The following PRDM2 variants were observed in gnomAD, a reference collection of about 807,000 sequenced individuals.
PRDM2 encodes the protein PR/SET domain 2.
PRDM2 carries 30 observed loss-of-function variants against 130.0 expected under a neutral mutation model. The ratio of observed to expected loss-of-function variants is 0.23; its 90% CI spans 0.17 to 0.31. The LOEUF is 0.31. Among genes scored for constraint, PRDM2 ranks in the 10% least tolerant of loss-of-function variants. The pLI is 1.00. For synonymous variants in PRDM2, 871 were observed against 782.4 expected (o/e 1.11, Z -1.89); for missense variants, 2,011 against 2,108.4 (o/e 0.95, Z 0.90).
rs181873210 is a variant in PRDM2, at chr1:13,811,834, G to A, written c.5037-4593G>A. ...GGTTGCCACTAAGGTGGGGAGGTCA[G>A]AGAAGGCCTCTTTCAGGAGACACTT... On this transcript the variant is annotated intron_variant, in intron 8 of 9. Coordinates refer to ENST00000311066, the MANE Select transcript of PRDM2 (RefSeq NM_001393986.1). Among the ~76,000 whole-genome samples the A allele has an allele frequency of 2.6e-5, 4 of 152,362 alleles. No homozygotes were observed. In the East Asian group the frequency reaches 7.7e-4, roughly 29 times the overall value.
At chr1:13,801,031 C>G (rs1644998984) in intron 8 of PRDM2, among the ~76,000 whole-genome samples, 1 of 152,242 alleles carries the variant, frequency 6.6e-6, no homozygotes, top group African/African-American at 2.4e-5. Flanking sequence ...TCTCCAGGAG[C>G]ACCAGGTCAA....
rs1645048285 is a variant in PRDM2 at position 13,803,946 on chromosome 1, A to G, written c.5037-12481A>G. On this transcript the variant is annotated intron_variant, in intron 8 of 9. Coordinates refer to ENST00000311066, the MANE Select transcript of PRDM2 (RefSeq NM_001393986.1). The surrounding 1 kb of genome is among the most constrained non-coding windows in gnomAD (Gnocchi z 6.2). ...ACATTGGGGGCTCAGCAGTGGGCCC[A>G]TGGCCTCCCTCAGGGCTGATGAGAT... Among the ~76,000 whole-genome samples, 2 of 152,178 alleles carry G rather than the reference A, an allele frequency of 1.3e-5. No homozygotes were observed. The highest frequency in any genetic ancestry group is 4.8e-5 in the African/African-American group (2 of 41,442).
Position 13,782,080 on chromosome 1 carries a change from G to C in PRDM2, c.4285G>C (p.Val1429Leu), listed in dbSNP as rs1295464830. Reference sequence around the variant, plus strand: ...TGCATTGAAGAAAAAAAATCAGCTAGTACAGAAAGCAATTCTTCAGAAAAA... The same window carrying C: ...TGCATTGAAGAAAAAAAATCAGCTACTACAGAAAGCAATTCTTCAGAAAAA... ...LNALKKKNQL[V>L]QKAILQKNKS... The change falls in exon 8 of 10, where the codon GTA becomes CTA. Residue 1429 changes from valine (V) to leucine (L), a missense_variant. Physicochemically the swap from Val to Leu is conservative, Grantham distance 32 (BLOSUM62 1). Around this residue, in one of 5 missense-constraint regions of PRDM2, gnomAD observed 410 missense variants for 395.9 expected, o/e 1.04. Transcript: ENST00000311066. The C allele has an allele frequency of 3.1e-6, 5 of 1,614,058 alleles. No individual in the cohort carries two copies. The highest frequency in any genetic ancestry group is 4.2e-6 in the Non-Finnish European group (5 of 1,180,002).
chr1:13,766,741 A>G (rs759888635), intron 6 of PRDM2, among the ~76,000 whole-genome samples: 3 of 152,214 alleles, frequency 2.0e-5, no homozygotes, highest in Non-Finnish European at 4.4e-5. Context: ...TTCTGATTTT[A>G]TCCTTCAGAG....
chr1:13,814,975 G>T (rs918313928), intron 8 of PRDM2, among the ~76,000 whole-genome samples: 1 of 152,046 alleles, frequency 6.6e-6, no homozygotes, highest in Non-Finnish European at 1.5e-5. Context: ...TGTAAATTAG[G>T]GATAATAACA....
chr1:13,765,367 C>G (rs1188078363), intron 6 of PRDM2, among the ~76,000 whole-genome samples: 3 of 152,200 alleles, frequency 2.0e-5, no homozygotes, highest in African/African-American at 7.2e-5. Context: ...TATCATCAAC[C>G]CAACTGTAGA....
At chr1:13,748,420 T>A (rs1490207662) in intron 5 of PRDM2, among the ~76,000 whole-genome samples, 2 of 152,246 alleles carry the variant, frequency 1.3e-5, no homozygotes, top group Non-Finnish European at 2.9e-5. Flanking sequence ...CCTTTTTATT[T>A]ACTTGTTCAT....
At chr1:13,794,270 C>T (rs1644887580) in intron 8 of PRDM2, among the ~76,000 whole-genome samples, 1 of 152,188 alleles carries the variant, frequency 6.6e-6, no homozygotes, top group Non-Finnish European at 1.5e-5. Context: ...TGTCACACTG[C>T]CTGGTCCCTC....
rs1642511182 is a variant in PRDM2, at chr1:13,715,717, C to T, written c.9+103C>T. 3.6e-6 allele frequency: 4 copies of T among 1,100,996 alleles called. No homozygotes were observed. The Admixed American group carries it at 1.0e-4, about 29-fold the overall frequency. The allele number at this position is 1,100,996 out of a possible 1,614,324, so 68.2% of individuals were successfully genotyped here. On this transcript the variant is annotated intron_variant, in intron 2 of 9. Transcript: ENST00000311066. ...CACACACATTCATTTCTCCTGGATT[C>T]TCATTTTTGTTTCTTAATACCATTA...
chr1:13,813,287 T>C (rs1159980482), intron 8 of PRDM2, among the ~76,000 whole-genome samples: 1 of 152,198 alleles, frequency 6.6e-6, no homozygotes, highest in Non-Finnish European at 1.5e-5. Flanking sequence ...CTGCGCTAAC[T>C]GCTACTGTGC....
chr1:13,800,426 C>A (rs1470234776), intron 8 of PRDM2, among the ~76,000 whole-genome samples: 2 of 152,154 alleles, frequency 1.3e-5, no homozygotes, highest in African/African-American at 4.8e-5. Context: ...AGGCAGGGCG[C>A]AAACTGTGGA....
intron 8 of PRDM2, among the ~76,000 whole-genome samples, chr1:13,795,231 T>C (rs754769106): frequency 6.6e-6 from 1 of 152,218 alleles, no homozygotes; most frequent in Non-Finnish European, 1.5e-5. Context: ...GTAAGGATGA[T>C]CACCGATAAT....
intron 8 of PRDM2, among the ~76,000 whole-genome samples, chr1:13,800,771 T>C (rs982227503): frequency 2.6e-5 from 4 of 152,168 alleles, no homozygotes; most frequent in Admixed American, 6.5e-5. Flanking sequence ...GACCAGCTGC[T>C]GGGCCGGCTC....
chr1:13,761,336 A>T (rs1402152655), intron 6 of PRDM2, among the ~76,000 whole-genome samples: 2 of 151,822 alleles, frequency 1.3e-5, no homozygotes, highest in Non-Finnish European at 2.9e-5. Flanking sequence ...TATATGACAA[A>T]TTTTTTTTTA....
In PRDM2 at chr1:13,810,886, C is replaced by T. The variant is rs571031381; in HGVS notation, c.5037-5541C>T. ...GTGCCTGCATGCAGTGAGCTTCTGTCAGAGTTTACAGATCTGGGCCAGGCG... is the reference window on the plus strand; with the variant it reads ...GTGCCTGCATGCAGTGAGCTTCTGTTAGAGTTTACAGATCTGGGCCAGGCG... On this transcript the variant is annotated intron_variant, in intron 8 of 9. Coordinates refer to ENST00000311066, the MANE Select transcript of PRDM2 (RefSeq NM_001393986.1). Among the ~76,000 whole-genome samples, 46 of 152,146 alleles carry T rather than the reference C, an allele frequency of 3.0e-4. No homozygotes were observed. The South Asian group carries it at 5.8e-3, about 19-fold the overall frequency.
At chr1:13,718,007 A>T (rs527533964) in intron 2 of PRDM2, among the ~76,000 whole-genome samples, 1 of 152,226 alleles carries the variant, frequency 6.6e-6, no homozygotes. Context: ...GTGTTTTTCA[A>T]CAATCACCCC....
intron 8 of PRDM2, among the ~76,000 whole-genome samples, chr1:13,792,705 C>T (rs1484930341): frequency 2.0e-5 from 3 of 152,170 alleles, no homozygotes; most frequent in Non-Finnish European, 4.4e-5. Flanking sequence ...GGACTTTGTC[C>T]TGGGACTCTT....
At chr1:13,796,098 CCTT>C (rs1447990770) in intron 8 of PRDM2, among the ~76,000 whole-genome samples, 3 of 152,148 alleles carry the variant, frequency 2.0e-5, no homozygotes, top group Non-Finnish European at 4.4e-5. Flanking sequence ...TCAATTTCAC[CCTT>C]CTTTGAGGGT....
intron 9 of PRDM2, among the ~76,000 whole-genome samples, chr1:13,819,282 T>C (rs941310565): frequency 3.9e-4 from 59 of 152,250 alleles, no homozygotes; most frequent in African/African-American, 1.4e-3. Flanking sequence ...CCAAGCCTTA[T>C]GAATTTAGGC....
Sources: allele counts gnomAD v4.1 joint callset (sites outside exome capture counted in the v4.1 genomes callset), GRCh38; gene constraint gnomAD v4.1.1; regional missense constraint gnomAD v4.1.1; non-coding constraint Gnocchi (gnomAD v3.1); transcripts MANE v1.5; gene names NCBI Gene and HGNC (gene_info 2026-07-23, HGNC 2026-07-21).